Variants in TWIST1 observed in about 807,000 individuals in gnomAD.
TWIST1 encodes the protein twist-related protein 1.
In TWIST1, 8 loss-of-function variants were observed where a neutral mutation model predicts 12.9. The observed-to-expected ratio is 0.62, with a 90% CI of 0.37 to 1.12. The LOEUF (loss-of-function observed/expected upper bound fraction) is 1.12, where lower values mean the gene tolerates loss of function less well. Among genes scored for constraint, TWIST1 ranks in the 50% most tolerant of loss-of-function variants. The pLI, the probability that TWIST1 is intolerant of heterozygous loss-of-function variation, is 0.02. For missense variants in TWIST1, 268 were observed against 299.7 expected (o/e 0.89, Z 0.78); for synonymous variants, 169 against 138.7 (o/e 1.22, Z -1.54).
downstream of TWIST1, chr7:19,113,094 G>A (rs1788502775): frequency 6.6e-6 from 1 of 152,204 alleles, no homozygotes; most frequent in Admixed American, 6.5e-5. Flanking sequence ...CCACTTTGGG[G>A]AGGGGAACCT....
chr7:19,116,996 T>A lies in TWIST1; in HGVS notation c.326A>T (p.Gln109Leu). Residue 109 changes from glutamine (Q) to leucine (L), a missense_variant, in exon 1 of 2, where the codon CAG becomes CTG. Coordinates refer to ENST00000242261, the MANE Select transcript of TWIST1 (RefSeq NM_000474.4). Reference sequence around the variant, plus strand: ...CTCCCGCACGTTGGCCATGACCCGCTGCGTCTGCAGCTCCTCGTAAGACTG... The same window carrying A: ...CTCCCGCACGTTGGCCATGACCCGCAGCGTCTGCAGCTCCTCGTAAGACTG... ...SPQSYEELQT[Q>L]RVMANVRERQ... 1 of 1,608,618 alleles carries A rather than the reference T, an allele frequency of 6.2e-7. No individual in the cohort carries two copies. The highest frequency in any genetic ancestry group is 8.5e-7 in the Non-Finnish European group (1 of 1,179,238).
rs1217324922 is a variant in TWIST1 at position 19,116,530 on chromosome 7, A to G, written c.*42+141T>C. 5.4e-6 allele frequency: 4 copies of G among 737,086 alleles called. No homozygotes were observed. The Admixed American group carries it at 8.4e-5, about 15-fold the overall frequency. 45.7% of individuals were successfully genotyped at this position (737,086 alleles called of 1,614,324 possible). ...GCCTTCCGGGGACGCTGGGGGCGCG[A>G]GGCAACGGTGCCAAGTGAGGTGGGA... is the stretch of plus-strand genomic sequence containing the variant. On this transcript the variant is annotated intron_variant, in intron 1 of 1. Coordinates refer to ENST00000242261, the MANE Select transcript of TWIST1 (RefSeq NM_000474.4).
chr7:19,117,395 T>TC lies in TWIST1; in HGVS notation c.-75dup. 11 of 1,297,314 alleles carry TC rather than the reference T, an allele frequency of 8.5e-6. No individual in the cohort carries two copies. Among genetic ancestry groups the TC allele is most frequent in the East Asian group, 3.7e-5 (1 of 27,258 alleles). 80.4% of individuals were successfully genotyped at this position (1,297,314 alleles called of 1,614,324 possible). A position where few individuals can be genotyped will look rare whatever the true frequency, so the allele number is the denominator to read the frequency against. On this transcript the variant is annotated 5_prime_UTR_variant, in exon 1 of 2. Transcript: ENST00000242261. ...AGCGGGGCGCCTCAGCCCGCCAGCT[T>TC]CCCCCGCGCGCGGCGCCGGCCCGGG...
chr7:19,115,385 C>A (rs1336894612), downstream of TWIST1: 1 of 152,560 alleles, frequency 6.6e-6, no homozygotes, highest in African/African-American at 2.4e-5. Context: ...CCCCCTCCCT[C>A]CTGGGTGCCT....
rs1357153711 is a variant in TWIST1 at position 19,117,162 on chromosome 7, C to T, written c.160G>A (p.Gly54Arg). 1 of 1,085,928 alleles carries T rather than the reference C, an allele frequency of 9.2e-7. No individual in the cohort carries two copies. Among genetic ancestry groups the T allele is most frequent in the African/African-American group, 1.7e-5 (1 of 59,014 alleles). The allele number at this position is 1,085,928 out of a possible 1,614,324, so 67.3% of individuals were successfully genotyped here. A position where few individuals can be genotyped will look rare whatever the true frequency, so the allele number is the denominator to read the frequency against. ...RSAGGGAGPG[G>R]AAGGGVGGGD... ...CCTCCGACGCCCCCACCCGCGGCTC[C>T]GCCGGGCCCCGCGCCGCCGCCCGCG... The change falls in exon 1 of 2, where the codon GGA becomes AGA. Residue 54 changes from glycine (G) to arginine (R), a missense_variant. Gly to Arg is a moderately radical substitution (Grantham distance 125). This residue lies in a region of TWIST1 where 189 missense variants were observed against 172.1 expected (regional missense o/e 1.10). Transcript: ENST00000242261.
rs2522205 is a variant in TWIST1 at position 19,117,401 on chromosome 7, G to A, written c.-80C>T. 131 of 1,283,122 alleles carry A rather than the reference G, an allele frequency of 1.0e-4. No homozygotes were observed. The highest frequency in any genetic ancestry group is 1.2e-4 in the Non-Finnish European group (118 of 1,010,428). The allele number at this position is 1,283,122 out of a possible 1,614,324, so 79.5% of individuals were successfully genotyped here. On this transcript the variant is annotated 5_prime_UTR_variant, in exon 1 of 2. Coordinates refer to ENST00000242261, the MANE Select transcript of TWIST1 (RefSeq NM_000474.4). Reference sequence around the variant, plus strand: ...GCGCCTCAGCCCGCCAGCTTCCCCCGCGCGCGGCGCCGGCCCGGGCGATGC... The same window carrying A: ...GCGCCTCAGCCCGCCAGCTTCCCCCACGCGCGGCGCCGGCCCGGGCGATGC...
Sources: allele counts gnomAD v4.1 joint callset, GRCh38; gene constraint gnomAD v4.1.1; regional missense constraint gnomAD v4.1.1; transcripts MANE v1.5; gene names NCBI Gene and HGNC (gene_info 2026-07-23, HGNC 2026-07-21).